Variants in LAMA1 observed in about 807,000 individuals in gnomAD.
The protein encoded by LAMA1 is laminin subunit alpha 1.
A neutral mutation model predicts 348.7 loss-of-function variants in LAMA1; 219 were observed. The ratio of observed to expected loss-of-function variants is 0.63; its 90% CI spans 0.56 to 0.70. The LOEUF (loss-of-function observed/expected upper bound fraction) is 0.70, where lower values mean the gene tolerates loss of function less well. Among genes scored for constraint, LAMA1 ranks in the 30% least tolerant of loss-of-function variants. The probability of loss-of-function intolerance (pLI) is 0.00; values close to 1 mark genes in which losing one functional copy is unlikely to be tolerated. For missense variants in LAMA1, 3,744 were observed against 3,888.0 expected, an observed-to-expected ratio of 0.96 and a Z score of 0.99; for synonymous variants, 1,487 against 1,491.0, an observed-to-expected ratio of 1.00 and a Z score of 0.06.
rs548084897 is a variant in LAMA1 at position 6,976,168 on chromosome 18, A to T, written c.6346-88T>A. The T allele has an allele frequency of 1.6e-5, 21 of 1,336,024 alleles. No individual in the cohort carries two copies. The African/African-American group carries it at 2.6e-4, about 16-fold the overall frequency. 82.8% of individuals were successfully genotyped at this position (1,336,024 alleles called of 1,614,324 possible). On this transcript the variant is annotated intron_variant, in intron 44 of 62. Coordinates refer to ENST00000389658, the MANE Select transcript of LAMA1 (RefSeq NM_005559.4). ...GCTCAACAATGCTATTCTGTAATGA[A>T]TTTTCACTGAGGCAGGTTTCCTCTC...
In LAMA1 at chr18:6,998,303, T is replaced by C. The variant is rs573195799; in HGVS notation, c.4664-419A>G. 1.2e-3 allele frequency among the ~76,000 whole-genome samples: 189 copies of C among 152,150 alleles called. 1 individual carries two copies. The highest frequency in any genetic ancestry group is 4.3e-3 in the African/African-American group (180 of 41,488). ...ACGAAAAGAACTTTATTGACTGTAA[T>C]GAAAGGCGAGGAAGGCAAGCCAGGG... On this transcript the variant is annotated intron_variant, in intron 32 of 62. Coordinates refer to ENST00000389658, the MANE Select transcript of LAMA1 (RefSeq NM_005559.4).
chr18:7,095,954 G>C (rs2058259333), intron 1 of LAMA1, among the ~76,000 whole-genome samples: 1 of 152,198 alleles, frequency 6.6e-6, no homozygotes, highest in East Asian at 1.9e-4. Context: ...TGTAATTCCA[G>C]TTACTCAGAA....
intron 3 of LAMA1, among the ~76,000 whole-genome samples, chr18:7,057,800 T>TTC (rs1430110528): frequency 2.1e-5 from 2 of 93,556 alleles, no homozygotes; most frequent in African/African-American, 8.8e-5. Context: ...CTTTCTTTCT[T>TTC]TTTTTTTTTT....
chr18:7,096,892 C>A (rs563191227), intron 1 of LAMA1, among the ~76,000 whole-genome samples: 1 of 152,264 alleles, frequency 6.6e-6, no homozygotes, highest in East Asian at 1.9e-4. Context: ...GGGTAAGATG[C>A]GTGGAAGAGA....
At chr18:6,944,101 C>T (rs1381432567) in intron 61 of LAMA1, among the ~76,000 whole-genome samples, 2 of 152,056 alleles carry the variant, frequency 1.3e-5, no homozygotes, top group African/African-American at 4.8e-5. Flanking sequence ...CTGCAAACTC[C>T]ACCTCCTGGG....
intron 30 of LAMA1, among the ~76,000 whole-genome samples, chr18:7,001,370 C>A (rs1054851361): frequency 6.6e-6 from 1 of 152,152 alleles, no homozygotes. Flanking sequence ...CATCTTTACA[C>A]ACACATGCAA....
chr18:7,098,050 T>A (rs1298565588), intron 1 of LAMA1, among the ~76,000 whole-genome samples: 2 of 150,534 alleles, frequency 1.3e-5, no homozygotes, highest in Non-Finnish European at 3.0e-5. Flanking sequence ...GGGGTTTCGC[T>A]GTGTTGGCCA....
intron 49 of LAMA1, 172 bp downstream of exon 49, chr18:6,965,975 A>AT: frequency 1.4e-6 from 1 of 694,272 alleles, no homozygotes. Flanking sequence ...ATAATTTAAA[A>AT]TGAGGAAATT....
At chr18:7,075,103 T>C (rs1484839478) in intron 3 of LAMA1, among the ~76,000 whole-genome samples, 2 of 149,920 alleles carry the variant, frequency 1.3e-5, no homozygotes, top group Non-Finnish European at 3.0e-5. Context: ...TCATAAAACC[T>C]CAAGAGCTGA....
In LAMA1 at chr18:7,037,601, G is replaced by T. The variant is rs1396647028; in HGVS notation, c.1714C>A (p.Pro572Thr). The change falls in exon 12 of 63, where the codon CCC becomes ACC. Residue 572 changes from proline to threonine, a missense_variant. This residue lies in a region of LAMA1 where 1,529 missense variants were observed against 1,689.4 expected (regional missense o/e 0.91). Transcript: ENST00000389658. ...ACCTTATTTCCAAGGTAGGCCTCGG[G>T]GGCTGCCCAGTAGTACTTGGGAGCC... The part of the protein sequence containing the change: ...RLAPKYYWAA[P>T]EAYLGNKLTA... 7 of 1,613,848 alleles carry T rather than the reference G, an allele frequency of 4.3e-6. No individual in the cohort carries two copies. Among genetic ancestry groups the T allele is most frequent in the Non-Finnish European group, 5.9e-6 (7 of 1,180,020 alleles).
intron 47 of LAMA1, 95 bp from the exon 48 acceptor site, chr18:6,972,076 A>G: frequency 6.9e-7 from 1 of 1,455,370 alleles, no homozygotes; most frequent in Non-Finnish European, 9.5e-7. Flanking sequence ...GGGAGCTTCA[A>G]TCTAACAGAT....
Position 7,039,080 on chromosome 18 carries a change from G to C in LAMA1, c.1423-130C>G, listed in dbSNP as rs542345387. On this transcript the variant is annotated intron_variant, in intron 10 of 62. Coordinates refer to ENST00000389658, the MANE Select transcript of LAMA1 (RefSeq NM_005559.4). ...GAATAAACGTCCAAAGTAAAGGTGA[G>C]GCCTCATAAAGTCAATATTTCCAGA... The C allele has an allele frequency of 8.8e-6, 7 of 792,856 alleles. No individual in the cohort carries two copies. The East Asian group carries it at 1.7e-4, about 19-fold the overall frequency. 49.1% of individuals were successfully genotyped at this position (792,856 alleles called of 1,614,324 possible). A position where few individuals can be genotyped will look rare whatever the true frequency, so the allele number is the denominator to read the frequency against.
At chr18:7,027,838 G>A (rs2057951469) in intron 16 of LAMA1, among the ~76,000 whole-genome samples, 2 of 152,150 alleles carry the variant, frequency 1.3e-5, no homozygotes, top group South Asian at 4.1e-4. Flanking sequence ...AGCTACTTAG[G>A]AGGCTGAGGT....
Position 6,942,589 on chromosome 18 carries a change from T to G in LAMA1, c.9068-350A>C, listed in dbSNP as rs533937681. ...TCACCACGTCCAGCTTATTTTTGTA[T>G]TTTTAGTAGAGAGAGGGTTTCACCA... On this transcript the variant is annotated intron_variant, in intron 62 of 62. Transcript: ENST00000389658. Among the ~76,000 whole-genome samples, 4 of 152,114 alleles carry G rather than the reference T, an allele frequency of 2.6e-5. No homozygotes were observed. In the East Asian group the frequency reaches 7.8e-4, roughly 30 times the overall value.
chr18:7,037,867 T>C (rs647595), intron 11 of LAMA1, 116 bp from the exon 12 acceptor site: 987,334 of 1,020,206 alleles, frequency 0.97, 477,876 homozygotes, highest in East Asian at 1. Context: ...TCTCTAGGGA[T>C]GGCATTAACA....
chr18:7,060,735 C>T (rs1341060147), intron 3 of LAMA1, among the ~76,000 whole-genome samples: 1 of 152,180 alleles, frequency 6.6e-6, no homozygotes, highest in African/African-American at 2.4e-5. Context: ...CTTCAAACAC[C>T]TGTCAGAAGC....
chr18:7,024,738 G>A (rs1360008204), intron 17 of LAMA1, among the ~76,000 whole-genome samples: 4 of 152,060 alleles, frequency 2.6e-5, no homozygotes, highest in Non-Finnish European at 5.9e-5. Flanking sequence ...TGCTTCTCTC[G>A]CTGTCTGCCT....
At chr18:7,031,911 T>C (rs2057971262) in intron 16 of LAMA1, among the ~76,000 whole-genome samples, 155 bp downstream of exon 16, 1 of 147,014 alleles carries the variant, frequency 6.8e-6, no homozygotes. Context: ...ACGGGAAACA[T>C]TTCATGACAT....
chr18:7,055,936 T>C (rs1024806247), intron 3 of LAMA1, among the ~76,000 whole-genome samples: 3 of 152,080 alleles, frequency 2.0e-5, no homozygotes, highest in East Asian at 1.9e-4. Context: ...AAAAATTAGC[T>C]GGGCGTGGTG....
Sources: allele counts gnomAD v4.1 joint callset (sites outside exome capture counted in the v4.1 genomes callset), GRCh38; gene constraint gnomAD v4.1.1; regional missense constraint gnomAD v4.1.1; transcripts MANE v1.5; gene names NCBI Gene and HGNC (gene_info 2026-07-23, HGNC 2026-07-21).